GAB2: variants seen among roughly 807,000 people sequenced by gnomAD.
The protein encoded by GAB2 is GRB2 associated binding protein 2.
A neutral mutation model predicts 65.5 loss-of-function variants in GAB2; 26 were observed. That is an observed-to-expected ratio of 0.40 (90% confidence interval 0.29 to 0.55). The LOEUF (loss-of-function observed/expected upper bound fraction) is 0.55. Ranked by LOEUF, GAB2 falls within the 20% of genes least tolerant of loss-of-function variation. The pLI is 0.53. For synonymous variants in GAB2, 321 were observed against 329.6 expected (o/e 0.97, Z 0.28); for missense variants, 884 against 875.8 (o/e 1.01, Z -0.12).
chr11:78,302,828 A>C (rs1433745427), intron 1 of GAB2, among the ~76,000 whole-genome samples: 1 of 152,224 alleles, frequency 6.6e-6, no homozygotes, highest in Non-Finnish European at 1.5e-5. Flanking sequence ...ATATGTATCT[A>C]TACAGATAGA....
intron 1 of GAB2, among the ~76,000 whole-genome samples, chr11:78,397,911 A>G (rs1856921540): frequency 6.6e-6 from 1 of 152,160 alleles, no homozygotes; most frequent in Admixed American, 6.5e-5. Flanking sequence ...AAGTAAATCC[A>G]GGCACAGTGG....
intron 1 of GAB2, among the ~76,000 whole-genome samples, chr11:78,404,341 G>A (rs889299781): frequency 1.3e-5 from 2 of 152,168 alleles, no homozygotes; most frequent in African/African-American, 4.8e-5. Context: ...TCAGGAGTTC[G>A]AGATGAGCCT....
At chr11:78,319,842 A>C (rs1855687416) in intron 1 of GAB2, among the ~76,000 whole-genome samples, 1 of 151,964 alleles carries the variant, frequency 6.6e-6, no homozygotes, top group African/African-American at 2.4e-5. Flanking sequence ...CTCAGAGCTG[A>C]GTATCTGGCA....
intron 1 of GAB2, among the ~76,000 whole-genome samples, chr11:78,404,743 C>A (rs1173457933): frequency 1.3e-5 from 2 of 152,148 alleles, no homozygotes; most frequent in African/African-American, 2.4e-5. Context: ...TAACGATTAT[C>A]AGATACTGGA....
chr11:78,221,817 C>A, intron 7 of GAB2, 38 bp from the exon 8 acceptor site: 1 of 1,427,992 alleles, frequency 7.0e-7, no homozygotes, highest in Non-Finnish European at 9.9e-7. Flanking sequence ...GGGGAAGCTG[C>A]ATGGCTGCTG....
rs1471474227 is a variant in GAB2 at position 78,417,806 on chromosome 11, C to A, written c.-86G>T. On this transcript the variant is annotated 5_prime_UTR_variant, in exon 1 of 10. Coordinates refer to ENST00000361507, the MANE Select transcript of GAB2 (RefSeq NM_080491.3). ...GGGCAGCGGCCGGCGGTGCGCAGCT[C>A]GCGGGAGGCCAGGGGCGGGGCGGGC... The A allele has an allele frequency of 8.9e-6, 6 of 670,708 alleles. No individual in the cohort carries two copies. In the South Asian group the frequency reaches 1.9e-4, roughly 22 times the overall value. The allele number at this position is 670,708 out of a possible 1,614,324, so 41.5% of individuals were successfully genotyped here.
intron 1 of GAB2, among the ~76,000 whole-genome samples, chr11:78,342,528 T>C (rs775924482): frequency 1.3e-5 from 2 of 151,338 alleles, no homozygotes; most frequent in African/African-American, 2.4e-5. Flanking sequence ...TCTGCCTCAG[T>C]CTCCCGAGTA....
At position 78,263,618 on chromosome 11, in the gene GAB2, G is replaced by A. The variant is rs569781403; in HGVS notation, c.377-13218C>T. On this transcript the variant is annotated intron_variant, in intron 2 of 9. Transcript: ENST00000361507. Reference sequence around the variant, plus strand: ...ACTGCACTCCAACTTGGGCGACAGAGTGAGACTCTGTCTGGGGGAAAAAAA... The same window carrying A: ...ACTGCACTCCAACTTGGGCGACAGAATGAGACTCTGTCTGGGGGAAAAAAA... Among the ~76,000 whole-genome samples, 32 of 144,674 alleles carry A rather than the reference G, an allele frequency of 2.2e-4. 1 individual carries two copies. In the South Asian group the frequency reaches 7.2e-3, roughly 32 times the overall value. The allele number at this position is 144,674 out of a possible 152,430, so 94.9% of individuals were successfully genotyped here.
chr11:78,396,429 A>G (rs1856895622), intron 1 of GAB2, among the ~76,000 whole-genome samples: 1 of 152,226 alleles, frequency 6.6e-6, no homozygotes, highest in Non-Finnish European at 1.5e-5. Flanking sequence ...ACATGTTTAC[A>G]CCTCACAGTT....
chr11:78,240,784 A>C (rs1426269835), intron 3 of GAB2, among the ~76,000 whole-genome samples: 1 of 152,078 alleles, frequency 6.6e-6, no homozygotes. Context: ...TCTGCCTACC[A>C]GGGGTAGAAT....
At chr11:78,244,162 T>C (rs141501401) in intron 3 of GAB2, among the ~76,000 whole-genome samples, 1 of 151,414 alleles carries the variant, frequency 6.6e-6, no homozygotes, top group East Asian at 1.9e-4. Flanking sequence ...AGATTCAAGA[T>C]GGGCAGATTC....
At position 78,226,995 on chromosome 11, in the gene GAB2, G is replaced by C. The variant is rs764967402; in HGVS notation, c.677C>G (p.Ala226Gly). The C allele has an allele frequency of 3.1e-6, 5 of 1,613,582 alleles. No individual in the cohort carries two copies. The highest frequency in any genetic ancestry group is 3.4e-6 in the Non-Finnish European group (4 of 1,179,814). The change falls in exon 4 of 10, where the codon GCT becomes GGT. Residue 226 changes from alanine to glycine, a missense_variant. Coordinates refer to ENST00000361507, the MANE Select transcript of GAB2 (RefSeq NM_080491.3). Reference protein sequence around the residue: ...RASFLMRSDTAVQKLAQGNGH... With the variant: ...RASFLMRSDTGVQKLAQGNGH... ...ATTGCCCTGGGCAAGTTTTTGTACAGCTGTGTCACTCCTCATGAGAAAAGA... is the reference window on the plus strand; with the variant it reads ...ATTGCCCTGGGCAAGTTTTTGTACACCTGTGTCACTCCTCATGAGAAAAGA...
intron 1 of GAB2, among the ~76,000 whole-genome samples, chr11:78,311,814 T>A (rs1020504538): frequency 1.3e-5 from 2 of 151,956 alleles, no homozygotes; most frequent in Non-Finnish European, 2.9e-5. Flanking sequence ...GGTAGTTAGG[T>A]ATGAGGCTGT....
chr11:78,379,825 G>C lies in GAB2; in HGVS notation c.75+37821C>G, dbSNP rs1043525285. On this transcript the variant is annotated intron_variant, in intron 1 of 9. Coordinates refer to ENST00000361507, the MANE Select transcript of GAB2 (RefSeq NM_080491.3). ...AATTTCAGTAGTTGTGAGACTTTTT[G>C]CTAAGATCTTCTAGTAAGACCAAGA... Among the ~76,000 whole-genome samples the C allele has an allele frequency of 2.0e-5, 3 of 146,416 alleles. No homozygotes were observed. The Admixed American group carries it at 2.1e-4, about 10-fold the overall frequency.
At chr11:78,296,368 C>T (rs1299206283) in intron 1 of GAB2, among the ~76,000 whole-genome samples, 1 of 152,148 alleles carries the variant, frequency 6.6e-6, no homozygotes, top group Non-Finnish European at 1.5e-5. Flanking sequence ...TTAAAGACAC[C>T]TTATTTAATA....
intron 8 of GAB2, among the ~76,000 whole-genome samples, chr11:78,220,733 T>C (rs1307412334): frequency 6.6e-6 from 1 of 152,190 alleles, no homozygotes; most frequent in Non-Finnish European, 1.5e-5. Context: ...GAATCAGGTC[T>C]GTTTTCTGAC....
At position 78,219,087 on chromosome 11, in the gene GAB2, T is replaced by G; in HGVS notation, c.*185A>C. The G allele has an allele frequency of 1.7e-6, 1 of 582,470 alleles. No individual in the cohort carries two copies. The highest frequency in any genetic ancestry group is 3.0e-6 in the Non-Finnish European group (1 of 332,608). The allele number at this position is 582,470 out of a possible 1,614,324, so 36.1% of individuals were successfully genotyped here. A position where few individuals can be genotyped will look rare whatever the true frequency, so the allele number is the denominator to read the frequency against. On this transcript the variant is annotated 3_prime_UTR_variant, in exon 10 of 10. Transcript: ENST00000361507. ...CTGGGCCCCGAGTGGGCAGAGGAGG[T>G]GCCTTGATCAGGCCCTCACCTCCCA...
At chr11:78,347,985 A>G (rs1413253622) in intron 1 of GAB2, among the ~76,000 whole-genome samples, 1 of 152,200 alleles carries the variant, frequency 6.6e-6, no homozygotes, top group Non-Finnish European at 1.5e-5. Flanking sequence ...TATATATTAT[A>G]TATTGCATTT....
chr11:78,393,323 T>A (rs1812524671), intron 1 of GAB2, among the ~76,000 whole-genome samples: 1 of 152,220 alleles, frequency 6.6e-6, no homozygotes, highest in Non-Finnish European at 1.5e-5. Context: ...ATGCCTGAAG[T>A]CACACAGTTT....
Sources: gnomAD v4.1 joint callset for allele counts (sites outside exome capture counted in the v4.1 genomes callset) on GRCh38, gnomAD v4.1.1 for gene constraint, MANE v1.5 for transcripts, NCBI Gene and HGNC (gene_info 2026-07-23, HGNC 2026-07-21) for gene names.